Variants in DST observed in about 807,000 individuals in gnomAD.
DST encodes dystonin.
A neutral mutation model predicts 875.2 loss-of-function variants in DST; 253 were observed. That is an observed-to-expected ratio of 0.29 (90% CI 0.26 to 0.32). The LOEUF is 0.32. Ranked by LOEUF, DST falls within the 10% of genes least tolerant of loss-of-function variation. DST has a pLI of 1.00. For synonymous variants in DST, 3,124 were observed against 3,197.1 expected, an observed-to-expected ratio of 0.98 and a Z score of 0.77; for missense variants, 8,287 against 9,111.6, an observed-to-expected ratio of 0.91 and a Z score of 3.68.
At chr6:56,731,206 C>T (rs1472322513) in intron 5 of DST, among the ~76,000 whole-genome samples, 1 of 152,110 alleles carries the variant, frequency 6.6e-6, no homozygotes, top group Non-Finnish European at 1.5e-5. Context: ...TTAGTGTTAT[C>T]TGCTGGACTG....
chr6:56,701,973 C>A lies in DST; in HGVS notation c.877-8G>T. 2 of 1,569,918 alleles carry A rather than the reference C, an allele frequency of 1.3e-6. No individual in the cohort carries two copies. The highest frequency in any genetic ancestry group is 1.8e-6 in the Non-Finnish European group (2 of 1,142,714). On this transcript the variant is annotated splice_region_variant and splice_polypyrimidine_tract_variant and intron_variant, in intron 7 of 103. Transcript: ENST00000680361. ...CCGACCTTTTTCTCTGGGCTAAGAA[C>A]AGAAAAATGCAGGTATGAAAAAGAG...
intron 49 of DST, among the ~76,000 whole-genome samples, chr6:56,582,423 C>T (rs1046725383): frequency 6.6e-6 from 1 of 152,092 alleles, no homozygotes; most frequent in African/African-American, 2.4e-5. Flanking sequence ...CTCTCACTTG[C>T]TTCTGCTTTT....
At chr6:56,616,495 C>T in intron 36 of DST, 1 of 1,614,034 alleles carries the variant, frequency 6.2e-7, no homozygotes, top group South Asian at 1.1e-5. Context: ...TGTTCCTCTC[C>T]CCAAATGGAA....
At chr6:56,854,445 G>A (rs1469690625) in intron 3 of DST, among the ~76,000 whole-genome samples, 1 of 151,794 alleles carries the variant, frequency 6.6e-6, no homozygotes, top group East Asian at 1.9e-4. Flanking sequence ...TCCATCAATA[G>A]GAGACTGTTT....
At chr6:56,680,813 C>T (rs1268504630) in intron 9 of DST, among the ~76,000 whole-genome samples, 1 of 152,156 alleles carries the variant, frequency 6.6e-6, no homozygotes, top group Non-Finnish European at 1.5e-5. Context: ...TCCCTATATC[C>T]CATCCCAAAC....
chr6:56,473,270 T>C lies in DST; in HGVS notation c.21994+603A>G, dbSNP rs142924517. On this transcript the variant is annotated intron_variant, in intron 93 of 103. Transcript: ENST00000680361. Reference sequence around the variant, plus strand: ...ATTACAATAGCTCCGACATCATTTCTTTTTAATTAAAAAATTAAGTAATAC... The same window carrying C: ...ATTACAATAGCTCCGACATCATTTCCTTTTAATTAAAAAATTAAGTAATAC... Among the ~76,000 whole-genome samples, 561 of 152,358 alleles carry C rather than the reference T, an allele frequency of 3.7e-3. 5 individuals carry two copies. Among genetic ancestry groups the C allele is most frequent in the African/African-American group, 0.013 (534 of 41,584 alleles).
chr6:56,601,761 T>C (rs1234404782), intron 43 of DST, 85 bp from the exon 44 acceptor site: 6 of 840,066 alleles, frequency 7.1e-6, no homozygotes, highest in East Asian at 2.7e-5. Flanking sequence ...GTTTTGTAAA[T>C]ACATTTCTCA....
intron 4 of DST, among the ~76,000 whole-genome samples, chr6:56,750,288 T>C (rs551858750): frequency 6.6e-6 from 1 of 152,264 alleles, no homozygotes; most frequent in East Asian, 1.9e-4. Context: ...CTTGGGTTGA[T>C]CATCTCCATA....
chr6:56,843,254 G>A (rs892328880), intron 4 of DST: 30 of 1,287,868 alleles, frequency 2.3e-5, no homozygotes, highest in Admixed American at 9.0e-5. Context: ...AAAGAGGAAG[G>A]AGCAGCACGC....
In DST at chr6:56,606,907, A is replaced by G. The variant is rs376801394; in HGVS notation, c.7721T>C (p.Leu2574Pro). 7 of 1,613,336 alleles carry G rather than the reference A, an allele frequency of 4.3e-6. No individual in the cohort carries two copies. The African/African-American group carries it at 6.7e-5, about 15-fold the overall frequency. ...ATCAAGCAATGGTGTAGCACAAGTA[A>G]GAGACACAATGGCATTATCAGTATC... ...GGDTDNAIVS[L>P]TCATPLLDET... Residue 2574 changes from leucine (L) to proline (P), a missense_variant, in exon 40 of 104, where the codon CTT becomes CCT. Transcript: ENST00000680361.
At chr6:56,871,301 G>C (rs1776975246) in intron 3 of DST, 1 of 802,116 alleles carries the variant, frequency 1.2e-6, no homozygotes, top group African/African-American at 1.7e-5. Flanking sequence ...AGGACACCAA[G>C]GGTATGCATA....
At chr6:56,849,052 T>TAATTA (rs969226742) in intron 4 of DST, among the ~76,000 whole-genome samples, 4 of 151,874 alleles carry the variant, frequency 2.6e-5, no homozygotes, top group Non-Finnish European at 5.9e-5. Context: ...ATAAATAAAT[T>TAATTA]AATTAAATTA....
At chr6:56,633,521 C>T (rs1039166812) in intron 27 of DST, among the ~76,000 whole-genome samples, 6 of 151,054 alleles carry the variant, frequency 4.0e-5, no homozygotes, top group African/African-American at 1.2e-4. Flanking sequence ...CCACCGCGCC[C>T]GGCCGAGACG....
intron 36 of DST, chr6:56,618,003 CCTTCA>C: frequency 1.2e-6 from 2 of 1,613,614 alleles, no homozygotes; most frequent in South Asian, 2.2e-5. Flanking sequence ...GGTGTCAAAA[CCTTCA>C]CCAGTTCCAT....
At position 56,568,559 on chromosome 6, in the gene DST, T is replaced by A. The variant is rs2097721652; in HGVS notation, c.13915A>T (p.Ile4639Phe). ...ATCCCACTGTTGTTTACTTTCTGAA[T>A]CTCTGGTGTTTTTAAACTCCACTTT... ...QEKWSLKTPE[I>F]QKVNNSGISL... Residue 4639 changes from isoleucine to phenylalanine, a missense_variant, in exon 55 of 104, where the codon ATT becomes TTT. Ile to Phe is a conservative substitution (Grantham distance 21, BLOSUM62 0). Transcript: ENST00000680361. 6.2e-7 allele frequency: 1 copy of A among 1,611,648 alleles called. No homozygotes were observed. The highest frequency in any genetic ancestry group is 8.5e-7 in the Non-Finnish European group (1 of 1,178,950).
chr6:56,702,728 A>G (rs1056619717), intron 7 of DST, among the ~76,000 whole-genome samples: 2 of 152,228 alleles, frequency 1.3e-5, no homozygotes, highest in Non-Finnish European at 2.9e-5. Flanking sequence ...AGCATGAAGG[A>G]AACAGAGGAA....
Position 56,639,609 on chromosome 6 carries a change from A to G in DST, c.2700T>C (p.Asn900=), listed in dbSNP as rs2098866246. ...RLESQYAKLL[N]TSRNQERHLD... ...GGTGCCGTTCTTGATTCCTGGATGT[A>G]TTCTTTAGTAAGGAAAATCATCATA... Residue 900 remains asparagine, a splice_region_variant and synonymous_variant, in exon 21 of 104, where the codon AAT becomes AAC. Coordinates refer to ENST00000680361, the MANE Select transcript of DST (RefSeq NM_001374736.1). The G allele has an allele frequency of 6.2e-7, 1 of 1,613,772 alleles. No individual in the cohort carries two copies. The highest frequency in any genetic ancestry group is 2.2e-5 in the East Asian group (1 of 44,820).
intron 3 of DST, chr6:56,871,209 G>T: frequency 2.6e-6 from 2 of 761,532 alleles, no homozygotes; most frequent in South Asian, 2.7e-5. Flanking sequence ...CTATTTACTT[G>T]ACCCAGAGAA....
chr6:56,560,209 G>T (rs1354629570), intron 58 of DST, 85 bp downstream of exon 58: 10 of 1,267,980 alleles, frequency 7.9e-6, no homozygotes, highest in African/African-American at 1.5e-5. Flanking sequence ...AGTGACTGTT[G>T]AATGTTTTCT....
Sources: gnomAD v4.1 joint callset for allele counts (sites outside exome capture counted in the v4.1 genomes callset) on GRCh38, gnomAD v4.1.1 for gene constraint, MANE v1.5 for transcripts, NCBI Gene and HGNC (gene_info 2026-07-23, HGNC 2026-07-21) for gene names.